The following CFAP299 variants were observed in gnomAD, a reference collection of about 807,000 sequenced individuals.
CFAP299 encodes the protein cilia and flagella associated protein 299.
In CFAP299, 21 loss-of-function variants were observed where a neutral mutation model predicts 27.0. That is an observed-to-expected ratio of 0.78 (90% confidence interval 0.55 to 1.12). The LOEUF (loss-of-function observed/expected upper bound fraction) is 1.12. Ranked by LOEUF, CFAP299 falls within the 50% of genes most tolerant of loss-of-function variation. The pLI is 0.00. For missense variants in CFAP299, 310 were observed against 276.6 expected, an observed-to-expected ratio of 1.12 and a Z score of -0.86; for synonymous variants, 104 against 98.1, an observed-to-expected ratio of 1.06 and a Z score of -0.36.
chr4:80,874,586 TC>T (rs1420393531), intron 4 of CFAP299, among the ~76,000 whole-genome samples: 1 of 152,230 alleles, frequency 6.6e-6, no homozygotes, highest in Non-Finnish European at 1.5e-5. Flanking sequence ...AGGCCTCCTT[TC>T]TGCTTCCAAG....
At chr4:80,944,506 C>G (rs1311467749) in intron 4 of CFAP299, among the ~76,000 whole-genome samples, 6 of 152,124 alleles carry the variant, frequency 3.9e-5, no homozygotes, top group Non-Finnish European at 7.4e-5. Context: ...AACAAATAGC[C>G]TTAAATTGCA....
In CFAP299 at chr4:80,646,841, A is replaced by T. The variant is rs146728339; in HGVS notation, c.333+63658A>T. Among the ~76,000 whole-genome samples, 89 of 152,270 alleles carry T rather than the reference A, an allele frequency of 5.8e-4. No individual in the cohort carries two copies. In the East Asian group the frequency reaches 0.014, roughly 24 times the overall value. ...TTAGTTGTGCTAATGAGGTGATATA[A>T]ATGCCAAATGGATTAATAATTAATT... On this transcript the variant is annotated intron_variant, in intron 3 of 5. Transcript: ENST00000358105.
intron 3 of CFAP299, among the ~76,000 whole-genome samples, chr4:80,844,620 A>G (rs1471191510): frequency 6.6e-6 from 1 of 151,942 alleles, no homozygotes; most frequent in Non-Finnish European, 1.5e-5. Context: ...TTTCTTGTAA[A>G]TTTGTTTGAG....
Position 80,890,251 on chromosome 4 carries a change from G to A in CFAP299, c.476+20116G>A, listed in dbSNP as rs78799117. ...AAACCTAAAGACTCCACAAAAAGCTGTTAGAACCAATAAACAAATTCAATA... is the reference window on the plus strand; with the variant it reads ...AAACCTAAAGACTCCACAAAAAGCTATTAGAACCAATAAACAAATTCAATA... On this transcript the variant is annotated intron_variant, in intron 4 of 5. Transcript: ENST00000358105. 8.0e-3 allele frequency among the ~76,000 whole-genome samples: 1,218 copies of A among 152,096 alleles called. 5 individuals are homozygous for A. Among genetic ancestry groups the A allele is most frequent in the Middle Eastern group, 0.017 (5 of 292 alleles).
chr4:80,352,225 AT>A (rs1194530232), intron 1 of CFAP299, among the ~76,000 whole-genome samples: 4 of 152,194 alleles, frequency 2.6e-5, no homozygotes, highest in African/African-American at 9.6e-5. Context: ...GTTTTCAGTA[AT>A]TGATAGAACC....
intron 3 of CFAP299, among the ~76,000 whole-genome samples, chr4:80,780,104 C>T (rs529700748): frequency 6.6e-6 from 1 of 151,914 alleles, no homozygotes; most frequent in Admixed American, 6.6e-5. Flanking sequence ...ACTTTTATTC[C>T]TTGTCTGGAA....
chr4:80,390,684 C>G (rs1725338190), intron 2 of CFAP299, among the ~76,000 whole-genome samples: 1 of 141,330 alleles, frequency 7.1e-6, no homozygotes. Flanking sequence ...CATGTATACA[C>G]ACATATATGT....
intron 2 of CFAP299, among the ~76,000 whole-genome samples, chr4:80,521,009 G>A (rs1732881211): frequency 1.3e-5 from 2 of 152,178 alleles, no homozygotes; most frequent in South Asian, 2.1e-4. Flanking sequence ...ATGCAAATAG[G>A]AAATTATGTA....
intron 2 of CFAP299, among the ~76,000 whole-genome samples, chr4:80,422,466 C>A (rs923739879): frequency 1.3e-5 from 2 of 152,108 alleles, no homozygotes. Context: ...ACCCTAAGTT[C>A]CTGACAGATG....
intron 3 of CFAP299, among the ~76,000 whole-genome samples, chr4:80,780,106 T>G (rs180788627): frequency 5.9e-5 from 9 of 152,132 alleles, no homozygotes; most frequent in African/African-American, 9.6e-5. Flanking sequence ...TTTTATTCCT[T>G]GTCTGGAATG....
intron 5 of CFAP299, among the ~76,000 whole-genome samples, chr4:80,962,497 A>G (rs1392402190): frequency 3.9e-5 from 6 of 151,976 alleles, no homozygotes; most frequent in African/African-American, 1.4e-4. Context: ...ATGTATACAT[A>G]TGTAACTAAC....
chr4:80,961,823 ACT>A (rs1326615788), intron 5 of CFAP299, among the ~76,000 whole-genome samples: 1 of 151,968 alleles, frequency 6.6e-6, no homozygotes, highest in African/African-American at 2.4e-5. Flanking sequence ...AAAATAAAAT[ACT>A]TTAAAAAAGA....
intron 3 of CFAP299, among the ~76,000 whole-genome samples, chr4:80,820,176 A>G (rs1277884174): frequency 6.6e-6 from 1 of 152,204 alleles, no homozygotes; most frequent in African/African-American, 2.4e-5. Context: ...CTATAGTGCT[A>G]TAATTTTTCA....
chr4:80,532,717 T>A (rs1553931882), intron 2 of CFAP299, among the ~76,000 whole-genome samples: 1 of 152,218 alleles, frequency 6.6e-6, no homozygotes, highest in Non-Finnish European at 1.5e-5. Flanking sequence ...CTACTGTTAT[T>A]GTGGTTGTTA....
At chr4:80,391,465 C>T (rs1402217271) in intron 2 of CFAP299, among the ~76,000 whole-genome samples, 1 of 152,094 alleles carries the variant, frequency 6.6e-6, no homozygotes, top group Non-Finnish European at 1.5e-5. Flanking sequence ...TCCCTGATGA[C>T]TAGTGATGTT....
intron 2 of CFAP299, among the ~76,000 whole-genome samples, chr4:80,541,950 C>T (rs1229567959): frequency 6.6e-6 from 1 of 150,846 alleles, no homozygotes; most frequent in Non-Finnish European, 1.5e-5. Flanking sequence ...TCTCCCAATG[C>T]TAAAACTTAA....
At position 80,355,444 on chromosome 4, in the gene CFAP299, G is replaced by A. The variant is rs542627912; in HGVS notation, c.112-7310G>A. Among the ~76,000 whole-genome samples, 121 of 129,290 alleles carry A rather than the reference G, an allele frequency of 9.4e-4. No homozygotes were observed. In the Middle Eastern group the frequency reaches 0.019, roughly 21 times the overall value. 84.8% of individuals were successfully genotyped at this position (129,290 alleles called of 152,430 possible). A position where few individuals can be genotyped will look rare whatever the true frequency, so the allele number is the denominator to read the frequency against. On this transcript the variant is annotated intron_variant, in intron 1 of 5. Coordinates refer to ENST00000358105, the MANE Select transcript of CFAP299 (RefSeq NM_152770.3). ...GCGATCTCGGCTCACTGCAACCTCCGCCTCCCGGGTTCGAGCAATTCTCCT... is the reference window on the plus strand; with the variant it reads ...GCGATCTCGGCTCACTGCAACCTCCACCTCCCGGGTTCGAGCAATTCTCCT...
At chr4:80,857,810 G>A (rs1168017004) in intron 3 of CFAP299, among the ~76,000 whole-genome samples, 2 of 152,176 alleles carry the variant, frequency 1.3e-5, no homozygotes, top group South Asian at 2.1e-4. Flanking sequence ...TGGTTTGGCA[G>A]TATTTTATTG....
chr4:80,724,563 T>C (rs1199036502), intron 3 of CFAP299, among the ~76,000 whole-genome samples: 1 of 152,164 alleles, frequency 6.6e-6, no homozygotes, highest in Non-Finnish European at 1.5e-5. Flanking sequence ...GGTAAGCCTA[T>C]TTCGTCACTG....
Sources: gnomAD v4.1 joint callset for allele counts (sites outside exome capture counted in the v4.1 genomes callset) on GRCh38, gnomAD v4.1.1 for gene constraint, MANE v1.5 for transcripts, NCBI Gene and HGNC (gene_info 2026-07-23, HGNC 2026-07-21) for gene names.